MIB1: variants seen among roughly 807,000 people sequenced by gnomAD.
MIB1 encodes the protein E3 ubiquitin-protein ligase MIB1.
Under a neutral mutation model 124.5 loss-of-function variants are expected in MIB1, and 278 were observed. The observed-to-expected ratio is 2.23, with a 90% confidence interval of 2.02 to 2.47. MIB1 has a LOEUF of 2.47. Among genes scored for constraint, MIB1 ranks in the 30% most tolerant of loss-of-function variants. The probability of loss-of-function intolerance (pLI) is 0.00; values close to 1 mark genes in which losing one functional copy is unlikely to be tolerated. For missense variants in MIB1, 957 were observed against 1,254.4 expected, an observed-to-expected ratio of 0.76 and a Z score of 3.58; for synonymous variants, 446 against 429.4, an observed-to-expected ratio of 1.04 and a Z score of -0.48.
chr18:21,777,029 G>T (rs563275138), intron 4 of MIB1, among the ~76,000 whole-genome samples: 48 of 152,024 alleles, frequency 3.2e-4, no homozygotes, highest in Non-Finnish European at 6.0e-4. Context: ...GGAATCAAAA[G>T]ACTGTATTTG....
chr18:21,781,847 G>C (rs2041372369), intron 6 of MIB1, among the ~76,000 whole-genome samples: 1 of 151,974 alleles, frequency 6.6e-6, no homozygotes, highest in Non-Finnish European at 1.5e-5. Context: ...ACATTTCTGT[G>C]GTATCATTTA....
intron 6 of MIB1, among the ~76,000 whole-genome samples, chr18:21,788,246 TAAAG>T (rs1214360276): frequency 5.3e-5 from 8 of 152,178 alleles, no homozygotes; most frequent in African/African-American, 1.9e-4. Flanking sequence ...GACATGTACA[TAAAG>T]AAACTAATTC....
chr18:21,706,282 T>C (rs533696474), intron 1 of MIB1, among the ~76,000 whole-genome samples: 3 of 152,286 alleles, frequency 2.0e-5, no homozygotes, highest in Admixed American at 6.5e-5. Flanking sequence ...GGTTTCACCA[T>C]GTTGACCAGG....
At chr18:21,855,633 G>T (rs1431737133) in intron 18 of MIB1, among the ~76,000 whole-genome samples, 3 of 152,164 alleles carry the variant, frequency 2.0e-5, no homozygotes, top group African/African-American at 7.2e-5. Flanking sequence ...TTGGCAAGAG[G>T]TCAGCCTTGG....
chr18:21,800,606 C>A (rs8098170), intron 9 of MIB1, among the ~76,000 whole-genome samples: 1 of 152,064 alleles, frequency 6.6e-6, no homozygotes, highest in East Asian at 1.9e-4. Flanking sequence ...GTATTACGTT[C>A]GGTGTCAGCC....
intron 6 of MIB1, among the ~76,000 whole-genome samples, chr18:21,782,982 T>G (rs55829690): frequency 0.033 from 4,962 of 152,250 alleles, 277 homozygotes; most frequent in African/African-American, 0.11. Context: ...ATAATTGTTA[T>G]ATCCTTTTGC....
At chr18:21,810,166 ATACT>A (rs1314795991) in intron 10 of MIB1, among the ~76,000 whole-genome samples, 1 of 152,110 alleles carries the variant, frequency 6.6e-6, no homozygotes, top group African/African-American at 2.4e-5. Context: ...TAAGAATAAA[ATACT>A]TAGGCATGAA....
intron 6 of MIB1, among the ~76,000 whole-genome samples, 176 bp downstream of exon 6, chr18:21,779,861 CGTGTGTGTGTGT>C (rs67233506): frequency 4.0e-5 from 6 of 148,606 alleles, no homozygotes; most frequent in South Asian, 2.2e-4. Flanking sequence ...ATAAGAATTA[CGTGTGTGTGTGT>C]GTGTGTGTGT....
intron 7 of MIB1, among the ~76,000 whole-genome samples, chr18:21,792,974 A>AT (rs2041524033): frequency 6.6e-6 from 1 of 152,268 alleles, no homozygotes; most frequent in African/African-American, 2.4e-5. Flanking sequence ...ACAAACATCT[A>AT]TAACAAAACT....
At chr18:21,790,008 A>C (rs1232545907) in intron 6 of MIB1, among the ~76,000 whole-genome samples, 1 of 152,212 alleles carries the variant, frequency 6.6e-6, no homozygotes, top group Non-Finnish European at 1.5e-5. Context: ...GTAGTCATTA[A>C]AACGATTATT....
At chr18:21,769,838 G>A (rs1436797529) in intron 3 of MIB1, among the ~76,000 whole-genome samples, 1 of 152,184 alleles carries the variant, frequency 6.6e-6, no homozygotes, top group Non-Finnish European at 1.5e-5. Flanking sequence ...GATAAAAGAA[G>A]GCATTCTTGA....
rs2041332685 is a variant in MIB1 at position 21,779,480 on chromosome 18, G to C, written c.704-1G>C. On this transcript the variant is annotated splice_acceptor_variant, in intron 5 of 20. Transcript: ENST00000261537. LOFTEE classifies it high-confidence loss of function. ...TTATTCAATTGCCTCTGAAATTACA[G>C]GTGAGCAGAATGGCAACAGGAATCC... The C allele has an allele frequency of 6.2e-7, 1 of 1,613,598 alleles. No individual in the cohort carries two copies. The highest frequency in any genetic ancestry group is 1.3e-5 in the African/African-American group (1 of 74,908).
chr18:21,800,770 C>T (rs1304075858), intron 9 of MIB1, among the ~76,000 whole-genome samples: 1 of 152,014 alleles, frequency 6.6e-6, no homozygotes, highest in African/African-American at 2.4e-5. Flanking sequence ...TGTCTTATTT[C>T]TCCTATAAGC....
At chr18:21,723,932 G>A (rs777966406) in intron 1 of MIB1, among the ~76,000 whole-genome samples, 7 of 150,108 alleles carry the variant, frequency 4.7e-5, no homozygotes, top group Non-Finnish European at 8.9e-5. Flanking sequence ...CACTGGTCCT[G>A]AACTCAAGGG....
At chr18:21,756,202 C>T (rs558618183) in intron 1 of MIB1, among the ~76,000 whole-genome samples, 4 of 152,068 alleles carry the variant, frequency 2.6e-5, no homozygotes, top group Non-Finnish European at 5.9e-5. Context: ...TACTTTATCT[C>T]GTTGTTTGTT....
At chr18:21,774,096 A>G (rs2041253530) in intron 4 of MIB1, among the ~76,000 whole-genome samples, 1 of 152,246 alleles carries the variant, frequency 6.6e-6, no homozygotes, top group African/African-American at 2.4e-5. Flanking sequence ...TAGCTTATAT[A>G]AAAGTATAAA....
intron 1 of MIB1, among the ~76,000 whole-genome samples, chr18:21,749,419 C>T (rs945330475): frequency 3.3e-5 from 5 of 151,934 alleles, no homozygotes; most frequent in African/African-American, 4.8e-5. Flanking sequence ...TCTTTTTTGT[C>T]ATTTTAAACA....
chr18:21,797,201 T>C (rs1053279823), intron 7 of MIB1, among the ~76,000 whole-genome samples: 2 of 152,100 alleles, frequency 1.3e-5, no homozygotes, highest in Non-Finnish European at 2.9e-5. Context: ...CATACTGAAA[T>C]AATACTGGAG....
intron 4 of MIB1, among the ~76,000 whole-genome samples, chr18:21,774,930 T>C (rs2146419459): frequency 6.8e-6 from 1 of 148,108 alleles, no homozygotes; most frequent in Non-Finnish European, 1.5e-5. Flanking sequence ...ATTTTATTTA[T>C]TTATTTATTT....
Sources: allele counts gnomAD v4.1 joint callset (sites outside exome capture counted in the v4.1 genomes callset), GRCh38; gene constraint gnomAD v4.1.1; transcripts MANE v1.5; gene names NCBI Gene and HGNC (gene_info 2026-07-23, HGNC 2026-07-21).